The following URI1 variants were observed in gnomAD, a reference collection of about 807,000 sequenced individuals.
URI1 encodes unconventional prefoldin RPB5 interactor 1.
In URI1, 39 loss-of-function variants were observed where a neutral mutation model predicts 60.2. The observed-to-expected ratio is 0.65, with a 90% CI of 0.50 to 0.85. The LOEUF (loss-of-function observed/expected upper bound fraction) is 0.85. URI1 is among the 40% of genes least tolerant of loss of function. URI1 has a pLI of 0.00. For missense variants in URI1, 691 were observed against 665.9 expected, an observed-to-expected ratio of 1.04 and a Z score of -0.42; for synonymous variants, 251 against 236.8, an observed-to-expected ratio of 1.06 and a Z score of -0.55.
intron 1 of URI1, among the ~76,000 whole-genome samples, chr19:29,926,161 T>G (rs1160687922): frequency 6.6e-6 from 1 of 152,046 alleles, no homozygotes; most frequent in Non-Finnish European, 1.5e-5. Context: ...CATGAATAAG[T>G]TCTTTAGCAG....
At chr19:29,946,889 T>C (rs576343707) in intron 1 of URI1, among the ~76,000 whole-genome samples, 2 of 152,320 alleles carry the variant, frequency 1.3e-5, no homozygotes, top group South Asian at 4.1e-4. Flanking sequence ...CTTTCATGGT[T>C]ACACTCTAGG....
rs762296267 is a variant in URI1 at position 29,951,285 on chromosome 19, A to G, written c.117+8621A>G. Among the ~76,000 whole-genome samples the G allele has an allele frequency of 3.3e-5, 5 of 152,210 alleles. No individual in the cohort carries two copies. The East Asian group carries it at 5.8e-4, about 18-fold the overall frequency. ...TACTTGAAGACAGTGTAAATATCCTATTCCTCAAAAGCCTTTTGCCATGGA... is the reference window on the plus strand; with the variant it reads ...TACTTGAAGACAGTGTAAATATCCTGTTCCTCAAAAGCCTTTTGCCATGGA... On this transcript the variant is annotated intron_variant, in intron 1 of 10. Coordinates refer to ENST00000392271, the MANE Select transcript of URI1 (RefSeq NM_003796.3).
chr19:29,970,721 G>C (rs192488284), intron 1 of URI1, among the ~76,000 whole-genome samples: 27 of 151,934 alleles, frequency 1.8e-4, no homozygotes, highest in Middle Eastern at 3.4e-3. Context: ...TAATGCGTCA[G>C]AATAAAAATT....
In URI1 at chr19:29,923,669, G is replaced by T. The variant is rs1027935160; in HGVS notation, c.-23G>T. 10 of 1,535,900 alleles carry T rather than the reference G, an allele frequency of 6.5e-6. No individual in the cohort carries two copies. In the African/African-American group the frequency reaches 1.2e-4, roughly 19 times the overall value. On this transcript the variant is annotated 5_prime_UTR_variant, in exon 1 of 11. Transcript: ENST00000360605. ...AGTGGGTCTTCTCACTCTTTTCCAG[G>T]CTCCTTGGAGGTCACTGCCCTGATG...
chr19:30,002,982 CAT>C (rs1276177575), intron 4 of URI1, among the ~76,000 whole-genome samples: 3 of 151,902 alleles, frequency 2.0e-5, no homozygotes, highest in Admixed American at 6.6e-5. Flanking sequence ...TTTTTAGTGA[CAT>C]GTATATTTCA....
At position 29,942,623 on chromosome 19, in the gene URI1, C is replaced by G. The variant is rs2055044777; in HGVS notation, c.76C>G (p.Arg26Gly). The G allele has an allele frequency of 1.4e-6, 2 of 1,465,028 alleles. No individual in the cohort carries two copies. Among genetic ancestry groups the G allele is most frequent in the Non-Finnish European group, 1.8e-6 (2 of 1,112,524 alleles). The allele number at this position is 1,465,028 out of a possible 1,614,324, so 90.8% of individuals were successfully genotyped here. The stretch of plus-strand genomic sequence containing the variant: ...CCCGGCCCCTGCCCTGGTTCCGTTG[C>G]GCGCCCCGGATGTGGCGCGGCTGCG... ...SAPAPALVPLRAPDVARLREE... is the reference protein window; with the variant it reads ...SAPAPALVPLGAPDVARLREE... The change falls in exon 1 of 11, where the codon CGC becomes GGC. Residue 26 changes from arginine to glycine, a missense_variant. Physicochemically the swap from Arg to Gly is moderately radical, Grantham distance 125 (BLOSUM62 -2). Transcript: ENST00000392271.
intron 1 of URI1, among the ~76,000 whole-genome samples, chr19:29,954,036 A>C (rs943217353): frequency 6.6e-6 from 1 of 152,194 alleles, no homozygotes; most frequent in South Asian, 2.1e-4. Context: ...ATTCAAATCC[A>C]TTACCACAAG....
At chr19:29,957,974 T>C (rs1481259833) in intron 1 of URI1, 1 of 151,012 alleles carries the variant, frequency 6.6e-6, no homozygotes, top group East Asian at 1.9e-4. Context: ...TGTTAAAAAA[T>C]AGAGATGAGT....
intron 2 of URI1, among the ~76,000 whole-genome samples, chr19:29,980,880 C>T (rs1409369199): frequency 6.9e-6 from 1 of 145,824 alleles, no homozygotes; most frequent in African/African-American, 2.5e-5. Flanking sequence ...CGAGATCACG[C>T]CACGGCACTC....
rs547778868 is a variant in URI1 at position 29,965,131 on chromosome 19, T to C, written c.118-6062T>C. ...GTACCAGCTGCTTTAGATGGTTGGTTAGCTTGTGCAGATCCTATAGTGGTC... is the reference window on the plus strand; with the variant it reads ...GTACCAGCTGCTTTAGATGGTTGGTCAGCTTGTGCAGATCCTATAGTGGTC... On this transcript the variant is annotated intron_variant, in intron 1 of 10. Transcript: ENST00000392271. Among the ~76,000 whole-genome samples, 4 of 152,310 alleles carry C rather than the reference T, an allele frequency of 2.6e-5. No individual in the cohort carries two copies. The South Asian group carries it at 8.3e-4, about 32-fold the overall frequency.
chr19:29,931,097 T>G (rs2054913428), intron 1 of URI1, among the ~76,000 whole-genome samples: 1 of 152,130 alleles, frequency 6.6e-6, no homozygotes, highest in Non-Finnish European at 1.5e-5. Flanking sequence ...TCGGTTATTT[T>G]GGTTATTTGG....
chr19:29,969,639 G>A (rs2055433922), intron 1 of URI1, among the ~76,000 whole-genome samples: 1 of 152,068 alleles, frequency 6.6e-6, no homozygotes, highest in Admixed American at 6.6e-5. Context: ...CTGTGCTTTT[G>A]GCTCTCTTCA....
intron 1 of URI1, among the ~76,000 whole-genome samples, chr19:29,927,775 T>C (rs2054882312): frequency 6.6e-6 from 1 of 151,242 alleles, no homozygotes; most frequent in Non-Finnish European, 1.5e-5. Context: ...TGGGGTTTTG[T>C]TATGTTGGTC....
chr19:30,015,537 T>C lies in URI1; in HGVS notation c.*468T>C. 6.5e-7 allele frequency: 1 copy of C among 1,535,088 alleles called. No homozygotes were observed. The highest frequency in any genetic ancestry group is 1.4e-5 in the African/African-American group (1 of 73,118). The stretch of plus-strand genomic sequence containing the variant: ...TAAAAAAATCTACTTCTCTTGTAGG[T>C]TTTGCGGCTAGTTGGCTATTCAAGA... On this transcript the variant is annotated 3_prime_UTR_variant, in exon 11 of 11. Coordinates refer to ENST00000392271, the MANE Select transcript of URI1 (RefSeq NM_003796.3).
intron 2 of URI1, among the ~76,000 whole-genome samples, chr19:29,974,219 G>C (rs576854118): frequency 2.0e-5 from 3 of 152,028 alleles, no homozygotes; most frequent in Non-Finnish European, 4.4e-5. Context: ...ATGAGATCAT[G>C]TCTGTAGAAC....
intron 1 of URI1, among the ~76,000 whole-genome samples, chr19:29,927,279 T>C (rs1344922287): frequency 3.4e-5 from 4 of 116,028 alleles, no homozygotes; most frequent in Admixed American, 1.7e-4. Flanking sequence ...TTTTTTTTTT[T>C]CTGAAATGGA....
At chr19:30,004,104 G>T (rs2055910432) in intron 4 of URI1, among the ~76,000 whole-genome samples, 1 of 152,004 alleles carries the variant, frequency 6.6e-6, no homozygotes, top group Non-Finnish European at 1.5e-5. Flanking sequence ...GATTTGCCAT[G>T]GCAACCGGTC....
chr19:30,004,343 G>A (rs2055913243), intron 4 of URI1: 1 of 151,994 alleles, frequency 6.6e-6, no homozygotes, highest in South Asian at 2.1e-4. Context: ...CTCTCGAGAA[G>A]CCCTTCATAT....
chr19:29,928,658 G>T (rs2054890867), intron 1 of URI1, among the ~76,000 whole-genome samples: 2 of 152,160 alleles, frequency 1.3e-5, no homozygotes, highest in Admixed American at 1.3e-4. Flanking sequence ...GAATAGGATT[G>T]CCAGATAAAA....
Sources: allele counts gnomAD v4.1 joint callset (sites outside exome capture counted in the v4.1 genomes callset), GRCh38; gene constraint gnomAD v4.1.1; transcripts MANE v1.5; gene names NCBI Gene and HGNC (gene_info 2026-07-23, HGNC 2026-07-21).